PRUNE2: variants seen among roughly 807,000 people sequenced by gnomAD.
PRUNE2 encodes the protein prune homolog 2 with BCH domain, also known as protein prune homolog 2.
A neutral mutation model predicts 252.0 loss-of-function variants in PRUNE2; 164 were observed. That is an observed-to-expected ratio of 0.65 (90% CI 0.57 to 0.74). The LOEUF is 0.74. PRUNE2 is among the 30% of genes least tolerant of loss of function. PRUNE2 has a pLI of 0.00. For missense variants in PRUNE2, 3,495 were observed against 3,711.0 expected (o/e 0.94, Z 1.51); for synonymous variants, 1,292 against 1,350.2 (o/e 0.96, Z 0.94).
intron 6 of PRUNE2, among the ~76,000 whole-genome samples, chr9:76,723,694 CTT>C (rs1164662648): frequency 1.3e-5 from 2 of 152,070 alleles, no homozygotes; most frequent in African/African-American, 4.8e-5. Context: ...GTGATGCCCT[CTT>C]TTGAGTTGAA....
intron 6 of PRUNE2, chr9:76,737,436 T>C (rs1564185133): frequency 6.6e-6 from 1 of 152,202 alleles, no homozygotes; most frequent in Non-Finnish European, 1.5e-5. Context: ...TGCATGACCA[T>C]ACAAAAATAT....
rs2063478347 is a variant in PRUNE2 at position 76,906,075 on chromosome 9, G to T, written c.-112C>A. ...AGTGGCCCGCCGGGGCGCAGCGACC[G>T]ACTGCTCCCTCCTGCCGCTCTGAGG... On this transcript the variant is annotated 5_prime_UTR_variant, in exon 1 of 19. Transcript: ENST00000376718. The T allele has an allele frequency of 2.6e-6, 3 of 1,155,798 alleles. No homozygotes were observed. Among genetic ancestry groups the T allele is most frequent in the African/African-American group, 1.5e-5 (1 of 65,836 alleles). 71.6% of individuals were successfully genotyped at this position (1,155,798 alleles called of 1,614,324 possible). A position where few individuals can be genotyped will look rare whatever the true frequency, so the allele number is the denominator to read the frequency against.
chr9:76,826,105 G>T (rs56269738), intron 5 of PRUNE2, among the ~76,000 whole-genome samples: 2,608 of 152,290 alleles, frequency 0.017, 84 homozygotes, highest in African/African-American at 0.061. Context: ...CTGTCTATTT[G>T]CAGGGGAGTC....
intron 9 of PRUNE2, among the ~76,000 whole-genome samples, chr9:76,695,909 G>GA (rs937395975): frequency 1.2e-3 from 172 of 148,572 alleles, no homozygotes; most frequent in African/African-American, 3.7e-3. Context: ...TTTTCAGATG[G>GA]AAAAAAAAAA....
chr9:76,750,839 T>G (rs555263685), intron 6 of PRUNE2, among the ~76,000 whole-genome samples: 1 of 152,310 alleles, frequency 6.6e-6, no homozygotes, highest in African/African-American at 2.4e-5. Flanking sequence ...TAGAAATCAA[T>G]GAAAGGTCAG....
At chr9:76,850,792 C>A in intron 2 of PRUNE2, 127 bp from the exon 3 acceptor site, 1 of 666,690 alleles carries the variant, frequency 1.5e-6, no homozygotes. Context: ...AACCACTTGG[C>A]ATTCATAATC....
chr9:76,814,128 T>A (rs2057534306), intron 6 of PRUNE2, among the ~76,000 whole-genome samples: 1 of 152,218 alleles, frequency 6.6e-6, no homozygotes, highest in Non-Finnish European at 1.5e-5. Context: ...ATCATATATA[T>A]CCTTCATATC....
At chr9:76,896,003 C>T (rs12352422) in intron 1 of PRUNE2, among the ~76,000 whole-genome samples, 10,749 of 152,172 alleles carry the variant, frequency 0.071, 1,261 homozygotes, top group African/African-American at 0.24. Context: ...TCTTGAATTC[C>T]TGGCCTCAAG....
At chr9:76,862,496 A>G (rs1436316046) in intron 1 of PRUNE2, 1 of 152,178 alleles carries the variant, frequency 6.6e-6, no homozygotes, top group Non-Finnish European at 1.5e-5. Context: ...GGTTGGAGTC[A>G]TGCAAAACCA....
intron 6 of PRUNE2, among the ~76,000 whole-genome samples, chr9:76,733,295 C>T (rs554656796): frequency 6.6e-6 from 1 of 152,342 alleles, no homozygotes; most frequent in African/African-American, 2.4e-5. Context: ...CTATATTGCA[C>T]ATCAACACAG....
intron 9 of PRUNE2, among the ~76,000 whole-genome samples, chr9:76,696,750 A>G (rs2045425267): frequency 6.6e-6 from 1 of 152,192 alleles, no homozygotes; most frequent in South Asian, 2.1e-4. Flanking sequence ...ACCAGTGAGG[A>G]TCCCTGGTGG....
intron 9 of PRUNE2, among the ~76,000 whole-genome samples, chr9:76,681,255 G>A (rs1471345956): frequency 1.3e-5 from 2 of 152,096 alleles, no homozygotes; most frequent in African/African-American, 4.8e-5. Flanking sequence ...CATAGAAACA[G>A]AAAGTAGAAT....
At chr9:76,752,184 G>A (rs571197233) in intron 6 of PRUNE2, among the ~76,000 whole-genome samples, 6 of 150,234 alleles carry the variant, frequency 4.0e-5, no homozygotes, top group African/African-American at 1.5e-4. Flanking sequence ...TGCAAACTCC[G>A]CCTCCTGGGT....
At chr9:76,644,360 C>CG in intron 12 of PRUNE2, 1 of 237,750 alleles carries the variant, frequency 4.2e-6, no homozygotes, top group Non-Finnish European at 8.6e-6. Flanking sequence ...AGAAGCACCT[C>CG]GGGGGTAGTG....
chr9:76,820,186 G>A (rs961546369), intron 6 of PRUNE2, among the ~76,000 whole-genome samples: 7 of 152,130 alleles, frequency 4.6e-5, no homozygotes, highest in African/African-American at 1.4e-4. Flanking sequence ...CCTCTGATAA[G>A]GCCATTTCTA....
chr9:76,706,547 G>A lies in PRUNE2; in HGVS notation c.5727C>T (p.Asn1909=), dbSNP rs752976608. The change falls in exon 8 of 19, where the codon AAC becomes AAT. Residue 1909 remains asparagine (N), a synonymous_variant. Coordinates refer to ENST00000376718, the MANE Select transcript of PRUNE2 (RefSeq NM_015225.3). ...CTGGGTCTGGCTGCCTTGGTTGAATGTTCCAGAGTTGCTCATGGGAGTTCT... is the reference window on the plus strand; with the variant it reads ...CTGGGTCTGGCTGCCTTGGTTGAATATTCCAGAGTTGCTCATGGGAGTTCT... ...NGKNSHEQLW[N]IQPRQPDPDA... is the part of the protein sequence containing the mutation. 8 of 1,613,972 alleles carry A rather than the reference G, an allele frequency of 5.0e-6. No homozygotes were observed. Among genetic ancestry groups the A allele is most frequent in the South Asian group, 1.1e-5 (1 of 91,074 alleles).
chr9:76,699,321 G>A (rs1258110936), intron 9 of PRUNE2, among the ~76,000 whole-genome samples: 2 of 151,682 alleles, frequency 1.3e-5, no homozygotes, highest in African/African-American at 2.4e-5. Flanking sequence ...TTTATGTTTC[G>A]ACTTGGCTAG....
Position 76,711,334 on chromosome 9 carries a change from G to C in PRUNE2, c.940C>G (p.Gln314Glu). 1 of 1,612,626 alleles carries C rather than the reference G, an allele frequency of 6.2e-7. No homozygotes were observed. Among genetic ancestry groups the C allele is most frequent in the Non-Finnish European group, 8.5e-7 (1 of 1,179,432 alleles). Residue 314 changes from glutamine (Q) to glutamate (E), a missense_variant, in exon 8 of 19, where the codon CAG (glutamine) becomes GAG (glutamate). Gln to Glu is a conservative substitution (Grantham distance 29, BLOSUM62 2). Coordinates refer to ENST00000376718, the MANE Select transcript of PRUNE2 (RefSeq NM_015225.3). The part of the protein sequence containing the change: ...SQICCELEEC[Q>E]NPCLELEPFD... ...GGCTCCAGTTCTAGGCAAGGGTTCT[G>C]ACACTCTTCCAGCTCACAGCAAATC...
At chr9:76,620,615 C>T (rs1831872911) in intron 17 of PRUNE2, among the ~76,000 whole-genome samples, 1 of 152,142 alleles carries the variant, frequency 6.6e-6, no homozygotes, top group Non-Finnish European at 1.5e-5. Flanking sequence ...TGACAGGCGG[C>T]TATCTCCCCA....
Sources: gnomAD v4.1 joint callset for allele counts (sites outside exome capture counted in the v4.1 genomes callset) on GRCh38, gnomAD v4.1.1 for gene constraint, MANE v1.5 for transcripts, NCBI Gene and HGNC (gene_info 2026-07-23, HGNC 2026-07-21) for gene names.